The following CNOT1 variants were observed in gnomAD, a reference collection of about 807,000 sequenced individuals.
CNOT1 encodes the protein CCR4-NOT transcription complex subunit 1.
CNOT1 carries 15 observed loss-of-function variants against 273.8 expected under a neutral mutation model. That is an observed-to-expected ratio of 0.05 (90% CI 0.04 to 0.08). The LOEUF (loss-of-function observed/expected upper bound fraction) is 0.08, where lower values mean the gene tolerates loss of function less well. Ranked by LOEUF, CNOT1 falls within the 10% of genes least tolerant of loss-of-function variation. CNOT1 has a pLI of 1.00. For synonymous variants in CNOT1, 1,022 were observed against 1,005.5 expected, an observed-to-expected ratio of 1.02 and a Z score of -0.31; for missense variants, 1,644 against 2,912.2, an observed-to-expected ratio of 0.56 and a Z score of 10.02.
chr16:58,617,548 A>C (rs1334328340), intron 1 of CNOT1, among the ~76,000 whole-genome samples: 5 of 152,178 alleles, frequency 3.3e-5, no homozygotes, highest in Non-Finnish European at 5.9e-5. Flanking sequence ...ATTTTCCAAA[A>C]TCTGAAATGA....
chr16:58,587,160 T>A (rs2041901926), intron 6 of CNOT1, 41 bp downstream of exon 6: 1 of 1,598,508 alleles, frequency 6.3e-7, no homozygotes, highest in East Asian at 2.2e-5. Context: ...CCACGTATTT[T>A]AAAGTCTCAC....
At chr16:58,539,624 G>GGA in intron 35 of CNOT1, 144 bp downstream of exon 35, 2 of 681,136 alleles carry the variant, frequency 2.9e-6, no homozygotes, top group Non-Finnish European at 2.1e-6. Context: ...TTCTACGTTG[G>GGA]AAAAAAAAAA....
intron 17 of CNOT1, among the ~76,000 whole-genome samples, chr16:58,559,606 C>G (rs2151941799): frequency 6.6e-6 from 1 of 152,284 alleles, no homozygotes; most frequent in South Asian, 2.1e-4. Context: ...AAGTGTGTGG[C>G]ACTACTTCAT....
chr16:58,551,340 T>A, intron 23 of CNOT1, 68 bp from the exon 24 acceptor site: 1 of 1,450,504 alleles, frequency 6.9e-7, no homozygotes, highest in Non-Finnish European at 9.3e-7. Context: ...AATCCAATAA[T>A]GTATACAGAT....
chr16:58,545,385 T>C lies in CNOT1; in HGVS notation c.4113A>G (p.Ala1371=). 1 of 1,614,064 alleles carries C rather than the reference T, an allele frequency of 6.2e-7. No homozygotes were observed. Among genetic ancestry groups the C allele is most frequent in the Non-Finnish European group, 8.5e-7 (1 of 1,179,920 alleles). The change falls in exon 30 of 49, where the codon GCA becomes GCG. Residue 1371 remains alanine (A), a synonymous_variant. Transcript: ENST00000317147. ...DINVYSLAGL[A]PHITLNPTIP... ...CTGTTGGATTCAGAGTAATGTGTGG[T>C]GCCAAGCCCGCAAGGGAATAGACAT...
In CNOT1 at chr16:58,613,744, C is replaced by A. The variant is rs181824174; in HGVS notation, c.-174-14233G>T. ...TACAAAGTATCTAATAAGAATAACT[C>A]TTTTGAAAAGTTACATAAAATAGTT... On this transcript the variant is annotated intron_variant, in intron 1 of 48. Transcript: ENST00000317147. Among the ~76,000 whole-genome samples, 89 of 124,522 alleles carry A rather than the reference C, an allele frequency of 7.1e-4. 24 individuals carry two copies. The highest frequency in any genetic ancestry group is 4.1e-3 in the Admixed American group (52 of 12,544). 81.7% of individuals were successfully genotyped at this position (124,522 alleles called of 152,430 possible). A position where few individuals can be genotyped will look rare whatever the true frequency, so the allele number is the denominator to read the frequency against.
intron 3 of CNOT1, 51 bp from the exon 4 acceptor site, chr16:58,587,929 A>G (rs770207087): frequency 6.5e-7 from 1 of 1,531,656 alleles, no homozygotes; most frequent in South Asian, 1.1e-5. Flanking sequence ...ATCTAAGAAC[A>G]AACAGAAGCT....
At position 58,556,892 on chromosome 16, in the gene CNOT1, A is replaced by G. The variant is rs765552953; in HGVS notation, c.2434T>C (p.Ser812Pro). The G allele has an allele frequency of 5.0e-6, 8 of 1,614,030 alleles. No individual in the cohort carries two copies. Among genetic ancestry groups the G allele is most frequent in the Non-Finnish European group, 6.8e-6 (8 of 1,180,020 alleles). Residue 812 changes from serine to proline, a missense_variant, in exon 19 of 49, where the codon TCT (serine) becomes CCT (proline). This residue lies in a region of CNOT1 where 706 missense variants were observed against 1,021.2 expected (regional missense o/e 0.69). Transcript: ENST00000317147. ...DPFVQRKLGT[S>P]GLNQPTFQQS... ...TGGAATGTAGGCTGATTCAGTCCAG[A>G]GGTGCCCAGTTTCCTCTGTACAAAA...
At chr16:58,567,885 A>G (rs1487885004) in intron 16 of CNOT1, among the ~76,000 whole-genome samples, 3 of 152,220 alleles carry the variant, frequency 2.0e-5, no homozygotes, top group African/African-American at 7.2e-5. Context: ...TCATTATTTC[A>G]TCTGTATAGG....
chr16:58,560,308 A>T lies in CNOT1; in HGVS notation c.2034T>A (p.Ser678Arg). Residue 678 changes from serine to arginine, a missense_variant, in exon 17 of 49, where the codon AGT becomes AGA. Around this residue, in one of 13 missense-constraint regions of CNOT1, gnomAD observed 706 missense variants for 1,021.2 expected, o/e 0.69. Coordinates refer to ENST00000317147, the MANE Select transcript of CNOT1 (RefSeq NM_016284.5). ...GTTGTCTGGCCTTATTCATAACATT[A>T]CTGCAATTGGCTACCATGGTGAGGA... ...ETILTMVANC[S>R]NVMNKARQPP... 6.2e-7 allele frequency: 1 copy of T among 1,614,180 alleles called. No individual in the cohort carries two copies. The highest frequency in any genetic ancestry group is 8.5e-7 in the Non-Finnish European group (1 of 1,180,024).
chr16:58,596,759 G>A (rs1282453742), intron 2 of CNOT1, among the ~76,000 whole-genome samples: 3 of 151,784 alleles, frequency 2.0e-5, no homozygotes, highest in African/African-American at 7.3e-5. Flanking sequence ...GTGGTGGCGA[G>A]CGACTGTAGT....
chr16:58,545,614 G>GCAAC, intron 29 of CNOT1, 123 bp from the exon 30 acceptor site: 1 of 1,171,126 alleles, frequency 8.5e-7, no homozygotes, highest in Non-Finnish European at 1.2e-6. Context: ...GAGGAGGGAA[G>GCAAC]GATGTAGCAG....
rs1436595785 is a variant in CNOT1 at position 58,551,120 on chromosome 16, C to G, written c.3342+12G>C. On this transcript the variant is annotated intron_variant, in intron 24 of 48. Transcript: ENST00000317147. ...AAAAGAAGGCATTTATAAACTATGA[C>G]AGCATGCTCACCTTTTGTGTCATAT... 1.2e-6 allele frequency: 2 copies of G among 1,606,380 alleles called. No individual in the cohort carries two copies. The highest frequency in any genetic ancestry group is 1.7e-6 in the Non-Finnish European group (2 of 1,178,152).
intron 2 of CNOT1, among the ~76,000 whole-genome samples, chr16:58,594,374 G>A (rs1378188075): frequency 1.3e-5 from 2 of 152,208 alleles, no homozygotes; most frequent in East Asian, 3.8e-4. Flanking sequence ...GGGCTAGACA[G>A]AGAAGGAAAA....
rs1341300178 is a variant in CNOT1, at chr16:58,525,890, CAATA to C, written c.6603+95_6603+98del. On this transcript the variant is annotated intron_variant, in intron 45 of 48. Coordinates refer to ENST00000317147, the MANE Select transcript of CNOT1 (RefSeq NM_016284.5). The stretch of plus-strand genomic sequence containing the variant: ...AACCTCACCCAATTGATGGAAATGA[CAATA>C]AAAGACTAACTCCCAAATGGACCAC... 4 of 974,568 alleles carry C rather than the reference CAATA, an allele frequency of 4.1e-6. No individual in the cohort carries two copies. The African/African-American group carries it at 6.5e-5, about 16-fold the overall frequency. 60.4% of individuals were successfully genotyped at this position (974,568 alleles called of 1,614,324 possible).
chr16:58,579,685 A>G (rs958288852), intron 12 of CNOT1, among the ~76,000 whole-genome samples: 1 of 152,190 alleles, frequency 6.6e-6, no homozygotes, highest in Non-Finnish European at 1.5e-5. Flanking sequence ...TTGAAGATAC[A>G]TTATGAACTA....
intron 16 of CNOT1, among the ~76,000 whole-genome samples, chr16:58,567,459 C>G (rs2041090250): frequency 7.7e-6 from 1 of 130,082 alleles, no homozygotes; most frequent in Non-Finnish European, 1.6e-5. Flanking sequence ...CCCATTTCCA[C>G]AGAAAATTAA....
chr16:58,548,049 G>C (rs1403018866), intron 25 of CNOT1, among the ~76,000 whole-genome samples: 1 of 152,144 alleles, frequency 6.6e-6, no homozygotes, highest in Non-Finnish European at 1.5e-5. Flanking sequence ...CTATTTTGAA[G>C]TGCTAAATTA....
At chr16:58,581,323 T>C (rs1410776066) in intron 11 of CNOT1, 22 bp downstream of exon 11, 4 of 1,587,088 alleles carry the variant, frequency 2.5e-6, no homozygotes, top group African/African-American at 1.4e-5. Flanking sequence ...CCCCCATCTA[T>C]AGCTAAATAC....
Sources: gnomAD v4.1 joint callset for allele counts (sites outside exome capture counted in the v4.1 genomes callset) on GRCh38, gnomAD v4.1.1 for gene constraint, gnomAD v4.1.1 regional missense constraint, MANE v1.5 for transcripts, NCBI Gene and HGNC (gene_info 2026-07-23, HGNC 2026-07-21) for gene names.